The following LRMDA variants were observed in gnomAD, a reference collection of about 807,000 sequenced individuals.
LRMDA encodes leucine-rich melanocyte differentiation-associated protein.
In LRMDA, 18 loss-of-function variants were observed where a neutral mutation model predicts 29.8. That is an observed-to-expected ratio of 0.60 (90% CI 0.42 to 0.90). The LOEUF (loss-of-function observed/expected upper bound fraction) is 0.90. LRMDA is among the 40% of genes least tolerant of loss of function. LRMDA has a pLI of 0.00. For missense variants in LRMDA, 273 were observed against 273.9 expected, an observed-to-expected ratio of 1.00 and a Z score of 0.02; for synonymous variants, 125 against 109.4, an observed-to-expected ratio of 1.14 and a Z score of -0.89.
At chr10:76,073,654 C>A (rs540275647) in intron 5 of LRMDA, among the ~76,000 whole-genome samples, 1 of 152,094 alleles carries the variant, frequency 6.6e-6, no homozygotes, top group South Asian at 2.1e-4. Flanking sequence ...GGCACACAAG[C>A]GGTTTTAGGC....
intron 6 of LRMDA, among the ~76,000 whole-genome samples, chr10:76,500,584 A>G: frequency 1.3e-5 from 1 of 75,390 alleles, no homozygotes; most frequent in East Asian, 2.5e-4. Flanking sequence ...ATATCAATAT[A>G]AATTCCCTTA....
intron 5 of LRMDA, among the ~76,000 whole-genome samples, chr10:76,289,223 G>T (rs1356555280): frequency 6.6e-6 from 1 of 152,162 alleles, no homozygotes; most frequent in Non-Finnish European, 1.5e-5. Flanking sequence ...GGGAAATTCG[G>T]AGAAAAGAAA....
chr10:75,577,542 G>C (rs900364894), intron 2 of LRMDA, among the ~76,000 whole-genome samples: 1 of 152,070 alleles, frequency 6.6e-6, no homozygotes, highest in Non-Finnish European at 1.5e-5. Context: ...AGAGAACACC[G>C]TGAAGATACT....
At chr10:75,473,286 C>A (rs977956257) in intron 2 of LRMDA, among the ~76,000 whole-genome samples, 4 of 152,196 alleles carry the variant, frequency 2.6e-5, no homozygotes, top group Non-Finnish European at 4.4e-5. Flanking sequence ...CATGTCATAA[C>A]AGAGTCAAGG....
At chr10:75,997,274 A>G (rs567388585) in intron 2 of LRMDA, among the ~76,000 whole-genome samples, 1 of 152,296 alleles carries the variant, frequency 6.6e-6, no homozygotes, top group South Asian at 2.1e-4. Context: ...TTCTATAAAG[A>G]TACTATATTG....
At chr10:75,573,398 C>A (rs1172146364) in intron 2 of LRMDA, among the ~76,000 whole-genome samples, 1 of 151,900 alleles carries the variant, frequency 6.6e-6, no homozygotes, top group Non-Finnish European at 1.5e-5. Context: ...TCTCTTTATT[C>A]TTTTCTGGAA....
chr10:76,479,105 A>C (rs567072123), intron 6 of LRMDA, among the ~76,000 whole-genome samples: 1 of 151,732 alleles, frequency 6.6e-6, no homozygotes, highest in African/African-American at 2.4e-5. Flanking sequence ...TTATAAAATA[A>C]ATTAGAATGA....
At chr10:76,230,216 A>G (rs1852033053) in intron 5 of LRMDA, among the ~76,000 whole-genome samples, 1 of 152,156 alleles carries the variant, frequency 6.6e-6, no homozygotes, top group Non-Finnish European at 1.5e-5. Flanking sequence ...TTCAAAACAG[A>G]TTAAATGTTT....
intron 2 of LRMDA, among the ~76,000 whole-genome samples, chr10:75,544,954 A>G (rs1162664192): frequency 2.6e-5 from 4 of 152,124 alleles, no homozygotes; most frequent in African/African-American, 7.2e-5. Flanking sequence ...TGTTTTTACT[A>G]TTTGTGTAGG....
intron 6 of LRMDA, among the ~76,000 whole-genome samples, chr10:76,434,830 C>T (rs761919648): frequency 1.2e-4 from 18 of 152,190 alleles, no homozygotes; most frequent in Non-Finnish European, 7.3e-5. Flanking sequence ...TACCTGTACA[C>T]GCACACACTG....
intron 2 of LRMDA, among the ~76,000 whole-genome samples, chr10:75,857,651 G>A (rs758469262): frequency 1.1e-4 from 16 of 152,316 alleles, no homozygotes; most frequent in South Asian, 2.1e-4. Context: ...CTTCATCTGC[G>A]AAATGGGGAT....
chr10:75,567,822 T>G lies in LRMDA; in HGVS notation c.131+129328T>G, dbSNP rs548893596. 7.2e-5 allele frequency among the ~76,000 whole-genome samples: 11 copies of G among 152,268 alleles called. 1 individual carries two copies. Among genetic ancestry groups the G allele is most frequent in the African/African-American group, 2.4e-4 (10 of 41,544 alleles). ...AACTTATGGGACAAATCAGAAGAGATAAAATTTAAGAAGATTATACTTGCA... is the reference window on the plus strand; with the variant it reads ...AACTTATGGGACAAATCAGAAGAGAGAAAATTTAAGAAGATTATACTTGCA... On this transcript the variant is annotated intron_variant, in intron 2 of 6. Coordinates refer to ENST00000611255, the MANE Select transcript of LRMDA (RefSeq NM_001305581.2).
chr10:76,053,874 A>G (rs547093259), intron 4 of LRMDA, among the ~76,000 whole-genome samples: 9 of 152,248 alleles, frequency 5.9e-5, no homozygotes, highest in Non-Finnish European at 1.2e-4. Context: ...CAGCATCAGC[A>G]TCACCTGGGG....
Position 75,431,770 on chromosome 10 carries a change from C to T in LRMDA, c.30+16C>T, listed in dbSNP as rs531112927. 7.4e-4 allele frequency: 1,001 copies of T among 1,358,256 alleles called. No homozygotes were observed. The highest frequency in any genetic ancestry group is 9.0e-4 in the Non-Finnish European group (940 of 1,049,514). The allele number at this position is 1,358,256 out of a possible 1,614,324, so 84.1% of individuals were successfully genotyped here. A position where few individuals can be genotyped will look rare whatever the true frequency, so the allele number is the denominator to read the frequency against. Reference sequence around the variant, plus strand: ...TGGAACTCAAGTAAGTCCCGGCCAGCCCCGCCTCCGCCCGGGGCGCAGTCC... The same window carrying T: ...TGGAACTCAAGTAAGTCCCGGCCAGTCCCGCCTCCGCCCGGGGCGCAGTCC... On this transcript the variant is annotated intron_variant, in intron 1 of 6. Coordinates refer to ENST00000611255, the MANE Select transcript of LRMDA (RefSeq NM_001305581.2).
chr10:76,239,130 G>T (rs1052599357), intron 5 of LRMDA, among the ~76,000 whole-genome samples: 1 of 152,072 alleles, frequency 6.6e-6, no homozygotes, highest in African/African-American at 2.4e-5. Flanking sequence ...CAAACTGTCA[G>T]CCCTGTGCAG....
chr10:76,304,980 C>G (rs1840533878), intron 5 of LRMDA, among the ~76,000 whole-genome samples: 2 of 152,170 alleles, frequency 1.3e-5, no homozygotes, highest in African/African-American at 2.4e-5. Flanking sequence ...TTTGCTTACC[C>G]CAAGAGCAAG....
intron 5 of LRMDA, among the ~76,000 whole-genome samples, chr10:76,117,394 G>A (rs1260937036): frequency 6.6e-6 from 1 of 151,838 alleles, no homozygotes; most frequent in East Asian, 1.9e-4. Context: ...GGACAAACTG[G>A]GAGATCTACC....
intron 2 of LRMDA, among the ~76,000 whole-genome samples, chr10:76,030,110 G>T (rs1399487363): frequency 2.6e-5 from 4 of 152,272 alleles, no homozygotes; most frequent in Non-Finnish European, 4.4e-5. Flanking sequence ...CAGGCTAGAT[G>T]CAGTTCCTTG....
chr10:75,473,496 C>T (rs77875212), intron 2 of LRMDA, among the ~76,000 whole-genome samples: 3,433 of 152,320 alleles, frequency 0.023, 56 homozygotes, highest in Non-Finnish European at 0.036. Context: ...GCCAGTCTTG[C>T]GGTGCAATCT....
Sources: allele counts gnomAD v4.1 joint callset (sites outside exome capture counted in the v4.1 genomes callset), GRCh38; gene constraint gnomAD v4.1.1; transcripts MANE v1.5; gene names NCBI Gene and HGNC (gene_info 2026-07-23, HGNC 2026-07-21).